Variants in RPL3L observed in about 807,000 individuals in gnomAD.
RPL3L encodes the protein ribosomal protein L3 like.
A neutral mutation model predicts 44.5 loss-of-function variants in RPL3L; 44 were observed. That is an observed-to-expected ratio of 0.99 (90% CI 0.78 to 1.27). The LOEUF (loss-of-function observed/expected upper bound fraction) is 1.27, where lower values mean the gene tolerates loss of function less well. Ranked by LOEUF, RPL3L falls within the 50% of genes most tolerant of loss-of-function variation. The pLI, the probability that RPL3L is intolerant of heterozygous loss-of-function variation, is 0.00. For missense variants in RPL3L, 631 were observed against 569.1 expected (o/e 1.11, Z -1.11); for synonymous variants, 292 against 230.7 (o/e 1.27, Z -2.41).
At chr16:1,951,726 CATT>C (rs71394716) in intron 3 of RPL3L, among the ~76,000 whole-genome samples, 47,096 of 137,806 alleles carry the variant, frequency 0.34, 8,160 homozygotes, top group East Asian at 0.5. Context: ...GGGAGGTGGA[CATT>C]ATTATTATTA....
At chr16:1,947,447 G>C (rs2083132702) in intron 4 of RPL3L, 67 bp from the exon 5 acceptor site, 1 of 1,447,268 alleles carries the variant, frequency 6.9e-7, no homozygotes, top group Non-Finnish European at 9.1e-7. Flanking sequence ...AACATGGCAT[G>C]GCCAGCAGTG....
chr16:1,950,693 T>A, intron 4 of RPL3L, 151 bp downstream of exon 4: 1 of 1,213,564 alleles, frequency 8.2e-7, no homozygotes, highest in Non-Finnish European at 1.2e-6. Context: ...TGCCTGGGGC[T>A]GCACGTGGCC....
intron 7 of RPL3L, among the ~76,000 whole-genome samples, chr16:1,946,372 T>C (rs1456804558): frequency 6.6e-6 from 1 of 152,258 alleles, no homozygotes; most frequent in African/African-American, 2.4e-5. Context: ...CTTGTGACTA[T>C]ATCCAAATGT....
rs994678933 is a variant in RPL3L, at chr16:1,947,264, G to A, written c.618C>T (p.Pro206=). 1.1e-5 allele frequency: 17 copies of A among 1,613,390 alleles called. No individual in the cohort carries two copies. Among genetic ancestry groups the A allele is most frequent in the Middle Eastern group, 1.6e-4 (1 of 6,082 alleles). Residue 206 remains proline (P), a synonymous_variant, in exon 5 of 10, where the codon CCC becomes CCT. Transcript: ENST00000268661. The part of the protein sequence containing the change: ...WAQARLEKQV[P]VHSVFSQSEV... The stretch of plus-strand genomic sequence containing the variant: ...CACTCTGGCTGAACACGCTGTGCAC[G>A]GGCACCTGCTTCTCCAGCCGGGCCT...
At chr16:1,951,048 C>T (rs2083168945) in intron 3 of RPL3L, 69 bp from the exon 4 acceptor site, 3 of 1,566,538 alleles carry the variant, frequency 1.9e-6, no homozygotes, top group South Asian at 2.3e-5. Flanking sequence ...ATCCTGCCCC[C>T]ACCTCACCCC....
rs757098399 is a variant in RPL3L, at chr16:1,945,601, G to C, written c.1065C>G (p.His355Gln). 7 of 1,613,916 alleles carry C rather than the reference G, an allele frequency of 4.3e-6. No individual in the cohort carries two copies. The South Asian group carries it at 7.7e-5, about 18-fold the overall frequency. Reference protein sequence around the residue: ...ITLRKSLLVHHSRQAVENIEL... With the variant: ...ITLRKSLLVHQSRQAVENIEL... ...CAATATTCTCCACGGCTTGGCGACT[G>C]TGATGCACCAGGAGGGACTGGGGAA... Residue 355 changes from histidine to glutamine, a missense_variant, in exon 9 of 10, where the codon CAC (histidine) becomes CAG (glutamine). His to Gln is a conservative substitution (Grantham distance 24, BLOSUM62 0). Coordinates refer to ENST00000268661, the MANE Select transcript of RPL3L (RefSeq NM_005061.3).
chr16:1,945,984 G>A, intron 7 of RPL3L, 54 bp from the exon 8 acceptor site: 1 of 1,489,796 alleles, frequency 6.7e-7, no homozygotes, highest in Non-Finnish European at 9.1e-7. Context: ...TGAGTTAGTG[G>A]GTGGCTGGGG....
chr16:1,945,405 G>A (rs1754502321), intron 9 of RPL3L, 94 bp downstream of exon 9: 2 of 1,445,008 alleles, frequency 1.4e-6, no homozygotes, highest in Admixed American at 2.3e-5. Flanking sequence ...GTTGAGCTCA[G>A]GGGAGTCCCT....
chr16:1,952,131 T>A (rs1319135931), intron 3 of RPL3L, among the ~76,000 whole-genome samples: 1 of 148,738 alleles, frequency 6.7e-6, no homozygotes, highest in Non-Finnish European at 1.5e-5. Context: ...TTATTTTTAT[T>A]TTTTTTTTTG....
At position 1,944,828 on chromosome 16, in the gene RPL3L, C is replaced by G. The variant is rs920381099; in HGVS notation, c.*9G>C. ...CGGTGCGCTTCAGGGTTCATCCACC[C>G]CACACAGCCTACAAGTCTCCCGAGG... On this transcript the variant is annotated 3_prime_UTR_variant, in exon 10 of 10. Coordinates refer to ENST00000268661, the MANE Select transcript of RPL3L (RefSeq NM_005061.3). 1.2e-6 allele frequency: 2 copies of G among 1,614,066 alleles called. No individual in the cohort carries two copies. The highest frequency in any genetic ancestry group is 4.5e-5 in the East Asian group (2 of 44,874).
Position 1,946,963 on chromosome 16 carries a change from T to C in RPL3L, c.824A>G (p.His275Arg), listed in dbSNP as rs1396264126. 1.9e-6 allele frequency: 3 copies of C among 1,608,560 alleles called. No individual in the cohort carries two copies. The highest frequency in any genetic ancestry group is 2.5e-6 in the Non-Finnish European group (3 of 1,178,562). The change falls in exon 6 of 10, where the codon CAC becomes CGC. Residue 275 changes from histidine to arginine, a missense_variant. His to Arg is a conservative substitution (Grantham distance 29, BLOSUM62 0). Transcript: ENST00000268661. ...CTTCTTGTTGAGCTCCGTGCGGTGG[T>C]GATAGCCCTTCTGCCCGGCCCGAGC... Reference protein sequence around the residue: ...SIARAGQKGYHHRTELNKKIF... With the variant: ...SIARAGQKGYRHRTELNKKIF...
intron 4 of RPL3L, among the ~76,000 whole-genome samples, chr16:1,950,174 T>TATGTATGGGGC (rs2083162447): frequency 4.4e-5 from 2 of 44,990 alleles, no homozygotes; most frequent in African/African-American, 1.6e-4. Context: ...ATGTATGGGG[T>TATGTATGGGGC]GGGTATGTAT....
Position 1,944,705 on chromosome 16 carries a change from C to G in RPL3L, c.*132G>C. 1 of 1,060,314 alleles carries G rather than the reference C, an allele frequency of 9.4e-7. No individual in the cohort carries two copies. 65.7% of individuals were successfully genotyped at this position (1,060,314 alleles called of 1,614,324 possible). ...TCTTAATGAATCGGCTTTGTCTAGG[C>G]AGCAGGCAAGGTGAACCCCTTGGGC... On this transcript the variant is annotated 3_prime_UTR_variant, in exon 10 of 10. Coordinates refer to ENST00000268661, the MANE Select transcript of RPL3L (RefSeq NM_005061.3).
intron 9 of RPL3L, among the ~76,000 whole-genome samples, chr16:1,945,174 T>C (rs1442969100): frequency 6.6e-6 from 1 of 151,744 alleles, no homozygotes; most frequent in Non-Finnish European, 1.5e-5. Flanking sequence ...GCTAATACGA[T>C]GAAACCCCAT....
Position 1,950,933 on chromosome 16 carries a change from G to A in RPL3L, c.412C>T (p.Arg138Trp), listed in dbSNP as rs1489884388. 3 of 1,613,930 alleles carry A rather than the reference G, an allele frequency of 1.9e-6. No homozygotes were observed. The highest frequency in any genetic ancestry group is 1.7e-5 in the Admixed American group (1 of 60,006). ...KAFTKACKRW[R>W]DTDGKKQLQK... ...AGCTGCTTTTTCCCGTCTGTGTCCC[G>A]CCACCTCTTGCAGGCCTTGGTGAAG... The change falls in exon 4 of 10, where the codon CGG becomes TGG. Residue 138 changes from arginine to tryptophan, a missense_variant. Coordinates refer to ENST00000268661, the MANE Select transcript of RPL3L (RefSeq NM_005061.3).
Position 1,947,289 on chromosome 16 carries a change from T to C in RPL3L, c.593A>G (p.Gln198Arg), listed in dbSNP as rs757992262. Residue 198 changes from glutamine to arginine, a missense_variant, in exon 5 of 10, where the codon CAG becomes CGG. Coordinates refer to ENST00000268661, the MANE Select transcript of RPL3L (RefSeq NM_005061.3). ...GTVAEKVAWA[Q>R]ARLEKQVPVH... ...GGGCACCTGCTTCTCCAGCCGGGCCTGGGCCCAGGCCACCTTCTCGGCCAC... is the reference window on the plus strand; with the variant it reads ...GGGCACCTGCTTCTCCAGCCGGGCCCGGGCCCAGGCCACCTTCTCGGCCAC... 1.9e-6 allele frequency: 3 copies of C among 1,612,794 alleles called. No individual in the cohort carries two copies. In the South Asian group the frequency reaches 3.3e-5, roughly 18 times the overall value.
At chr16:1,949,990 A>AGGTATGGACG (rs2083159919) in intron 4 of RPL3L, among the ~76,000 whole-genome samples, 3 of 22,982 alleles carry the variant, frequency 1.3e-4, no homozygotes, top group African/African-American at 3.9e-4. Context: ...AGGTATGGAC[A>AGGTATGGACG]GGGCAGGTAT....
At chr16:1,944,989 C>CT in intron 9 of RPL3L, 96 bp from the exon 10 acceptor site, 1 of 1,494,462 alleles carries the variant, frequency 6.7e-7, no homozygotes, top group South Asian at 1.1e-5. Context: ...GCCGGCCCTA[C>CT]TGCCCCCCTA....
intron 3 of RPL3L, among the ~76,000 whole-genome samples, chr16:1,951,733 A>G (rs2083173350): frequency 7.3e-6 from 1 of 136,358 alleles, no homozygotes; most frequent in South Asian, 2.6e-4. Flanking sequence ...GGACATTATT[A>G]TTATTATTAT....
Sources: allele counts gnomAD v4.1 joint callset (sites outside exome capture counted in the v4.1 genomes callset), GRCh38; gene constraint gnomAD v4.1.1; transcripts MANE v1.5; gene names NCBI Gene and HGNC (gene_info 2026-07-23, HGNC 2026-07-21).